The following CTNND2 variants were observed in gnomAD, a reference collection of about 807,000 sequenced individuals.
CTNND2 encodes catenin delta 2, also known as catenin delta-2.
CTNND2 carries 22 observed loss-of-function variants against 144.4 expected under a neutral mutation model. The ratio of observed to expected loss-of-function variants is 0.15; its 90% CI spans 0.11 to 0.22. The LOEUF is 0.22. CTNND2 is among the 10% of genes least tolerant of loss of function. The pLI is 1.00. For synonymous variants in CTNND2, 751 were observed against 695.6 expected (o/e 1.08, Z -1.25); for missense variants, 1,353 against 1,618.8 (o/e 0.84, Z 2.82).
intron 16 of CTNND2, among the ~76,000 whole-genome samples, chr5:11,033,411 G>C (rs755281467): frequency 1.2e-4 from 18 of 152,306 alleles, no homozygotes; most frequent in Non-Finnish European, 2.1e-4. Context: ...GATAAATGGA[G>C]CTCCCAATTT....
chr5:11,401,505 T>C (rs1760647289), intron 5 of CTNND2, among the ~76,000 whole-genome samples: 2 of 152,202 alleles, frequency 1.3e-5, no homozygotes, highest in African/African-American at 4.8e-5. Context: ...GGACTGGACA[T>C]CCACAGACCT....
At chr5:11,050,267 T>A (rs2008348) in intron 16 of CTNND2, among the ~76,000 whole-genome samples, 2 of 152,064 alleles carry the variant, frequency 1.3e-5, no homozygotes, top group Non-Finnish European at 2.9e-5. Context: ...CCCAGAAGTG[T>A]CCACCACCTC....
intron 2 of CTNND2, among the ~76,000 whole-genome samples, chr5:11,698,463 A>G (rs1412880384): frequency 6.6e-6 from 1 of 151,596 alleles, no homozygotes; most frequent in Non-Finnish European, 1.5e-5. Context: ...TAATTTTTGT[A>G]TTTTTAGTAG....
At chr5:11,153,480 C>T (rs914819557) in intron 12 of CTNND2, among the ~76,000 whole-genome samples, 87 of 152,088 alleles carry the variant, frequency 5.7e-4, no homozygotes, top group Admixed American at 7.9e-4. Context: ...CAAGAGTAAG[C>T]CACAGAAAAT....
intron 7 of CTNND2, among the ~76,000 whole-genome samples, chr5:11,367,758 C>T (rs1049272139): frequency 1.3e-5 from 2 of 152,064 alleles, no homozygotes; most frequent in Admixed American, 1.3e-4. Flanking sequence ...TTGACCAAGA[C>T]CCTGCAGGAT....
In CTNND2 at chr5:11,904,141, G is replaced by T. The variant is rs1462330499; in HGVS notation, c.-288C>A. 1 of 147,112 alleles carries T rather than the reference G, an allele frequency of 6.8e-6. No homozygotes were observed. The highest frequency in any genetic ancestry group is 6.8e-5 in the Admixed American group (1 of 14,756). 9.1% of individuals were successfully genotyped at this position (147,112 alleles called of 1,614,324 possible). On this transcript the variant is annotated 5_prime_UTR_variant, in exon 1 of 22. Transcript: ENST00000304623. This position sits in a 1 kb window ranked among gnomAD's most constrained non-coding sequence, Gnocchi z 4.2. The stretch of plus-strand genomic sequence containing the variant: ...CTCCACGGGCTCCTGCGGGCTCCTC[G>T]GGGCTCCGGGCGCCGCCGCCAGCCG...
At chr5:11,029,391 T>C (rs149498455) in intron 16 of CTNND2, among the ~76,000 whole-genome samples, 1 of 152,340 alleles carries the variant, frequency 6.6e-6, no homozygotes, top group African/African-American at 2.4e-5. Context: ...CTCCTTTGTG[T>C]TGATTGTTTT....
intron 16 of CTNND2, among the ~76,000 whole-genome samples, chr5:11,081,039 T>A (rs1749491627): frequency 6.7e-6 from 1 of 149,292 alleles, no homozygotes; most frequent in South Asian, 2.1e-4. Flanking sequence ...ATTATGCCAC[T>A]GCACTCCAGC....
chr5:11,264,407 G>A lies in CTNND2; in HGVS notation c.1629-27584C>T, dbSNP rs374869398. Among the ~76,000 whole-genome samples the A allele has an allele frequency of 3.5e-3, 527 of 152,270 alleles. 3 individuals carry two copies. The highest frequency in any genetic ancestry group is 0.012 in the African/African-American group (506 of 41,556). On this transcript the variant is annotated intron_variant, in intron 9 of 21. Transcript: ENST00000304623. ...AAACAGTGGGCCAAATTTGGCCCAT[G>A]GGATACAGTTTGCTGATGACTGCTG...
At chr5:11,707,522 T>C (rs1785776160) in intron 2 of CTNND2, among the ~76,000 whole-genome samples, 1 of 152,182 alleles carries the variant, frequency 6.6e-6, no homozygotes, top group Non-Finnish European at 1.5e-5. Flanking sequence ...TATTTGTACC[T>C]TTCCAGCCTC....
intron 1 of CTNND2, among the ~76,000 whole-genome samples, chr5:11,889,694 A>G (rs939282147): frequency 6.6e-6 from 1 of 152,248 alleles, no homozygotes; most frequent in African/African-American, 2.4e-5. Context: ...TCTCAGATAC[A>G]GACATTTCTT....
chr5:11,464,698 T>C (rs1271446677), intron 3 of CTNND2, among the ~76,000 whole-genome samples: 1 of 152,098 alleles, frequency 6.6e-6, no homozygotes, highest in Non-Finnish European at 1.5e-5. Context: ...GAGAGCATGG[T>C]GGACCAGGGA....
At chr5:11,801,450 T>C (rs6554641) in intron 1 of CTNND2, among the ~76,000 whole-genome samples, 123,000 of 152,158 alleles carry the variant, frequency 0.81, 53,838 homozygotes, top group Non-Finnish European at 0.97. Flanking sequence ...ATGAACTAAT[T>C]TGAATAGGCA....
At chr5:11,684,086 ATTTATT>A (rs1438330981) in intron 2 of CTNND2, among the ~76,000 whole-genome samples, 3 of 151,760 alleles carry the variant, frequency 2.0e-5, no homozygotes, top group Admixed American at 1.3e-4. Flanking sequence ...TTTACACATT[ATTTATT>A]TTTATTTTTA....
At chr5:11,205,627 T>C (rs759373141) in intron 10 of CTNND2, among the ~76,000 whole-genome samples, 7 of 152,214 alleles carry the variant, frequency 4.6e-5, no homozygotes, top group Non-Finnish European at 1.0e-4. Flanking sequence ...CTTACTCTTA[T>C]TGAAAAGCCA....
chr5:11,326,708 T>C (rs939222143), intron 9 of CTNND2, among the ~76,000 whole-genome samples: 1 of 152,108 alleles, frequency 6.6e-6, no homozygotes, highest in African/African-American at 2.4e-5. Flanking sequence ...CCAAACTGCA[T>C]GACAATGTGT....
chr5:11,747,905 T>C lies in CTNND2; in HGVS notation c.38-15633A>G, dbSNP rs114240458. Among the ~76,000 whole-genome samples, 677 of 152,204 alleles carry C rather than the reference T, an allele frequency of 4.4e-3. 9 individuals carry two copies. The highest frequency in any genetic ancestry group is 0.016 in the African/African-American group (654 of 41,556). ...AAATTATGGCAATTTACCCTTCATA[T>C]TGATTGCAAATATGTATCTGCCACT... On this transcript the variant is annotated intron_variant, in intron 1 of 21. Coordinates refer to ENST00000304623, the MANE Select transcript of CTNND2 (RefSeq NM_001332.4).
At chr5:11,310,938 A>C (rs1229418335) in intron 9 of CTNND2, among the ~76,000 whole-genome samples, 259 of 109,378 alleles carry the variant, frequency 2.4e-3, no homozygotes, top group East Asian at 3.4e-3. Context: ...CCCCACATGC[A>C]CTCACACTCC....
chr5:11,137,324 C>A (rs1756264856), intron 12 of CTNND2, among the ~76,000 whole-genome samples: 1 of 152,048 alleles, frequency 6.6e-6, no homozygotes, highest in African/African-American at 2.4e-5. Context: ...TATTCAGAGT[C>A]CGGAAATTTG....
Sources: gnomAD v4.1 joint callset for allele counts (sites outside exome capture counted in the v4.1 genomes callset) on GRCh38, gnomAD v4.1.1 for gene constraint, Gnocchi (gnomAD v3.1) non-coding constraint, MANE v1.5 for transcripts, NCBI Gene and HGNC (gene_info 2026-07-23, HGNC 2026-07-21) for gene names.